The following CPLANE1 variants were observed in gnomAD, a reference collection of about 807,000 sequenced individuals.
The protein encoded by CPLANE1 is ciliogenesis and planar polarity effector 1.
Under a neutral mutation model 362.5 loss-of-function variants are expected in CPLANE1, and 263 were observed. The observed-to-expected ratio is 0.73, with a 90% confidence interval of 0.66 to 0.80. CPLANE1 has a LOEUF of 0.80. Ranked by LOEUF, CPLANE1 falls within the 30% of genes least tolerant of loss-of-function variation. The pLI is 0.00. For missense variants in CPLANE1, 3,461 were observed against 3,793.4 expected, an observed-to-expected ratio of 0.91 and a Z score of 2.30; for synonymous variants, 1,212 against 1,302.6, an observed-to-expected ratio of 0.93 and a Z score of 1.50.
In CPLANE1 at chr5:37,214,334, G is replaced by C. The variant is rs952391277; in HGVS notation, c.2747-602C>G. On this transcript the variant is annotated intron_variant, in intron 15 of 52. Transcript: ENST00000651892. ...TACAATAAAAAGAAACATTAGCTGG[G>C]CATGGTTGTGCGCACCTATAGTCCC... 8.5e-5 allele frequency among the ~76,000 whole-genome samples: 13 copies of C among 152,102 alleles called. 1 individual carries two copies. The East Asian group carries it at 2.3e-3, about 27-fold the overall frequency.
chr5:37,197,688 T>C (rs1165059923), intron 20 of CPLANE1, among the ~76,000 whole-genome samples: 2 of 152,330 alleles, frequency 1.3e-5, no homozygotes, highest in Admixed American at 6.5e-5. Flanking sequence ...AAAACTAATA[T>C]GGCTCAGAAT....
intron 16 of CPLANE1, chr5:37,211,380 CTGCACT>C: frequency 1.3e-6 from 2 of 1,518,292 alleles, no homozygotes; most frequent in Non-Finnish European, 1.8e-6. Flanking sequence ...CCCACCATCT[CTGCACT>C]TGCTGGAAGC....
At chr5:37,208,482 C>A (rs1018338190) in intron 16 of CPLANE1, among the ~76,000 whole-genome samples, 4 of 152,206 alleles carry the variant, frequency 2.6e-5, no homozygotes, top group African/African-American at 9.6e-5. Flanking sequence ...TCGAGACCAT[C>A]CTGGCTAACA....
chr5:37,239,878 G>GTAATGAAA lies in CPLANE1; in HGVS notation c.678-17_678-10dup. 6.9e-7 allele frequency: 1 copy of GTAATGAAA among 1,444,144 alleles called. No individual in the cohort carries two copies. 89.5% of individuals were successfully genotyped at this position (1,444,144 alleles called of 1,614,324 possible). ...CATGGTATGGCAATGATCTAAAAAAGTAATGAAATAATTGAAAACAAAAGG... is the reference window on the plus strand; with the variant it reads ...CATGGTATGGCAATGATCTAAAAAAGTAATGAAATAATGAAATAATTGAAAACAAAAGG... On this transcript the variant is annotated splice_polypyrimidine_tract_variant and intron_variant, in intron 6 of 52. Transcript: ENST00000651892.
In CPLANE1 at chr5:37,157,821, A is replaced by G; in HGVS notation, c.7860T>C (p.Leu2620=). Residue 2620 remains leucine (L), a synonymous_variant, in exon 40 of 53, where the codon CTT becomes CTC. Transcript: ENST00000651892. ...CTTCTCTCACAGGTAATTCCTGTAG[A>G]AGATCATTAGCTTCAATGTCAATCA... ...INVIDIEAND[L]LQELPVREEP... The G allele has an allele frequency of 6.2e-7, 1 of 1,612,716 alleles. No individual in the cohort carries two copies. Among genetic ancestry groups the G allele is most frequent in the African/African-American group, 1.3e-5 (1 of 74,882 alleles).
chr5:37,157,500 A>C, intron 40 of CPLANE1, 80 bp from the exon 41 acceptor site: 1 of 1,187,774 alleles, frequency 8.4e-7, no homozygotes, highest in South Asian at 1.3e-5. Flanking sequence ...GACTGATTCT[A>C]AACTTCTAAA....
intron 30 of CPLANE1, among the ~76,000 whole-genome samples, chr5:37,177,409 A>AT (rs1370194497): frequency 6.6e-6 from 1 of 152,230 alleles, no homozygotes; most frequent in African/African-American, 2.4e-5. Context: ...AACAAAAGGC[A>AT]TTTTAGATAT....
In CPLANE1 at chr5:37,227,309, G is replaced by T. The variant is rs1037703636; in HGVS notation, c.1455C>A (p.Ala485=). Residue 485 remains alanine (A), a synonymous_variant, in exon 11 of 53, where the codon GCC becomes GCA. Transcript: ENST00000651892. ...GCAAGAATTTGGGGACAGTGAAATC[G>T]GCTGAACTTTCATTTCCTTGGTGTT... ...LLEHQGNESS[A]DFTVPKFLQA... 6 of 1,551,998 alleles carry T rather than the reference G, an allele frequency of 3.9e-6. No homozygotes were observed. The highest frequency in any genetic ancestry group is 5.2e-6 in the Non-Finnish European group (6 of 1,147,004).
chr5:37,100,268 CTTGAG>C, the CPLANE1 span, among the ~76,000 whole-genome samples: 11 of 152,242 alleles, frequency 7.2e-5, no homozygotes, highest in South Asian at 1.5e-3. Context: ...TTTAATCCAT[CTTGAG>C]TTAATTTTTG....
At chr5:37,109,654 C>T (rs1200737123) in intron 51 of CPLANE1, among the ~76,000 whole-genome samples, 3 of 152,068 alleles carry the variant, frequency 2.0e-5, no homozygotes, top group Non-Finnish European at 4.4e-5. Flanking sequence ...GGTTAAAATC[C>T]AGTATATCTT....
intron 19 of CPLANE1, among the ~76,000 whole-genome samples, chr5:37,200,647 TGTAA>T (rs946268668): frequency 1.1e-4 from 16 of 152,252 alleles, no homozygotes; most frequent in African/African-American, 3.6e-4. Context: ...AAAGTCTAAA[TGTAA>T]GTAATTTATA....
In CPLANE1 at chr5:37,201,722, G is replaced by C. The variant is rs759320408; in HGVS notation, c.3376C>G (p.Leu1126Val). 10 of 1,613,968 alleles carry C rather than the reference G, an allele frequency of 6.2e-6. No homozygotes were observed. Among genetic ancestry groups the C allele is most frequent in the African/African-American group, 5.3e-5 (4 of 74,926 alleles). The change falls in exon 19 of 53, where the codon CTT becomes GTT. Residue 1126 changes from leucine to valine, a missense_variant. Coordinates refer to ENST00000651892, the MANE Select transcript of CPLANE1 (RefSeq NM_001384732.1). Reference protein sequence around the residue: ...KASVMADADILSETFQLLIDS... With the variant: ...KASVMADADIVSETFQLLIDS... ...ATCAGAAGTTGAAATGTCTCCGAAA[G>C]AATATCTGCATCGGCCATAACTGAT...
chr5:37,142,734 T>C (rs2150411423), intron 43 of CPLANE1: 1 of 247,168 alleles, frequency 4.0e-6, no homozygotes, highest in Non-Finnish European at 7.6e-6. Context: ...AACATAGACA[T>C]GCTAAATTAC....
In CPLANE1 at chr5:37,122,488, G is replaced by C; in HGVS notation, c.8959C>G (p.Leu2987Val). The change falls in exon 48 of 53, where the codon CTT (leucine) becomes GTT (valine). Residue 2987 changes from leucine to valine, a missense_variant and splice_region_variant. Around this residue, in one of 2 missense-constraint regions of CPLANE1, gnomAD observed 3,380 missense variants for 3,666.1 expected, o/e 0.92. Transcript: ENST00000651892. The part of the protein sequence containing the change: ...HDPFCPRSNP[L>V]YMTSREIRLR... Reference sequence around the variant, plus strand: ...CTTATTTCCCTTGAAGTCATGTAAAGCTGCATAAAAAATACCCAGTTGGTT... The same window carrying C: ...CTTATTTCCCTTGAAGTCATGTAAACCTGCATAAAAAATACCCAGTTGGTT... 1 of 1,608,414 alleles carries C rather than the reference G, an allele frequency of 6.2e-7. No homozygotes were observed. Among genetic ancestry groups the C allele is most frequent in the Non-Finnish European group, 8.5e-7 (1 of 1,178,016 alleles).
chr5:37,196,348 T>C (rs1243686484), intron 20 of CPLANE1, among the ~76,000 whole-genome samples: 1 of 152,074 alleles, frequency 6.6e-6, no homozygotes, highest in Non-Finnish European at 1.5e-5. Flanking sequence ...GTACAGTAAC[T>C]AAAACAAATA....
chr5:37,224,929 T>C (rs1412487342), intron 12 of CPLANE1, among the ~76,000 whole-genome samples, 189 bp from the exon 13 acceptor site: 1 of 151,408 alleles, frequency 6.6e-6, no homozygotes, highest in East Asian at 1.9e-4. Context: ...TTCATAAATA[T>C]TTTAAGCACC....
chr5:37,180,876 A>G lies in CPLANE1; in HGVS notation c.5551T>C (p.Ser1851Pro), dbSNP rs200795256. 339 of 1,614,052 alleles carry G rather than the reference A, an allele frequency of 2.1e-4. No homozygotes were observed. The highest frequency in any genetic ancestry group is 3.1e-5 in the Non-Finnish European group (36 of 1,179,952). ...GTEERNGQNK[S>P]CQNILNRMPT... Reference sequence around the variant, plus strand: ...ACTTACTTCAAGATATTTTGACAAGATTTATTCTGACCATTTCTTTCCTCA... The same window carrying G: ...ACTTACTTCAAGATATTTTGACAAGGTTTATTCTGACCATTTCTTTCCTCA... The change falls in exon 27 of 53, where the codon TCT becomes CCT. Residue 1851 changes from serine to proline, a missense_variant. By Grantham distance (74) the Ser-to-Pro change is moderately conservative. This residue lies in a region of CPLANE1 where 3,380 missense variants were observed against 3,666.1 expected (regional missense o/e 0.92). Coordinates refer to ENST00000651892, the MANE Select transcript of CPLANE1 (RefSeq NM_001384732.1).
At position 37,165,543 on chromosome 5, in the gene CPLANE1, G is replaced by GGTTT; in HGVS notation, c.7525_7528dup (p.Pro2510GlnfsTer16). Reference sequence around the variant, plus strand: ...TCTATAGCAGTTTTTCTATACCTTGGGTTTCTTAATGATTTCTGAATCATC... The same window carrying GGTTT: ...TCTATAGCAGTTTTTCTATACCTTGGGTTTGTTTCTTAATGATTTCTGAATCATC... On this transcript the variant is annotated frameshift_variant, in exon 36 of 53. Transcript: ENST00000651892. LOFTEE classifies it high-confidence loss of function. 6.2e-7 allele frequency: 1 copy of GGTTT among 1,607,814 alleles called. No homozygotes were observed. The highest frequency in any genetic ancestry group is 1.7e-4 in the Middle Eastern group (1 of 6,042).
chr5:37,097,213 CAAAA>C, the CPLANE1 span, among the ~76,000 whole-genome samples: 1 of 151,366 alleles, frequency 6.6e-6, no homozygotes, highest in Non-Finnish European at 1.5e-5. Flanking sequence ...ACAAAACAAA[CAAAA>C]AAAATAAATA....
Sources: allele counts gnomAD v4.1 joint callset (sites outside exome capture counted in the v4.1 genomes callset), GRCh38; gene constraint gnomAD v4.1.1; regional missense constraint gnomAD v4.1.1; transcripts MANE v1.5; gene names NCBI Gene and HGNC (gene_info 2026-07-23, HGNC 2026-07-21).